The following TM9SF3 variants were observed in gnomAD, a reference collection of about 807,000 sequenced individuals.
The protein encoded by TM9SF3 is transmembrane 9 superfamily member 3.
A neutral mutation model predicts 78.6 loss-of-function variants in TM9SF3; 14 were observed. The observed-to-expected ratio is 0.18, with a 90% CI of 0.12 to 0.28. TM9SF3 has a LOEUF of 0.28. Ranked by LOEUF, TM9SF3 falls within the 10% of genes least tolerant of loss-of-function variation. The pLI is 1.00. For synonymous variants in TM9SF3, 231 were observed against 241.7 expected (o/e 0.96, Z 0.41); for missense variants, 496 against 721.9 (o/e 0.69, Z 3.59).
intron 4 of TM9SF3, chr10:96,560,293 G>A: frequency 1.3e-6 from 1 of 754,972 alleles, no homozygotes; most frequent in Non-Finnish European, 2.4e-6. Flanking sequence ...GGATAATGAT[G>A]AAAATGAGCA....
rs1441013993 is a variant in TM9SF3, at chr10:96,560,048, C to G, written c.583-312G>C. 3.8e-5 allele frequency: 22 copies of G among 575,452 alleles called. No homozygotes were observed. The Admixed American group carries it at 5.8e-4, about 15-fold the overall frequency. The allele number at this position is 575,452 out of a possible 1,614,324, so 35.6% of individuals were successfully genotyped here. On this transcript the variant is annotated intron_variant, in intron 4 of 14. Transcript: ENST00000371142. ...GAACTGAATTAGTATAAGCTCATAT[C>G]ACAAGTGTCTAAATCAATTAAAATA...
In TM9SF3 at chr10:96,584,495, G is replaced by C. The variant is rs74560045; in HGVS notation, c.102+2239C>G. ...TGCTATTCTTCCCATAACTGTTTTTGTTTTTGTTTTGCTTTTTACAATACA... is the reference window on the plus strand; with the variant it reads ...TGCTATTCTTCCCATAACTGTTTTTCTTTTTGTTTTGCTTTTTACAATACA... On this transcript the variant is annotated intron_variant, in intron 1 of 14. Transcript: ENST00000371142. Among the ~76,000 whole-genome samples, 1,286 of 152,196 alleles carry C rather than the reference G, an allele frequency of 8.4e-3. 22 individuals carry two copies. The highest frequency in any genetic ancestry group is 0.03 in the African/African-American group (1,232 of 41,530).
At chr10:96,550,010 A>C (rs1848148852) in intron 7 of TM9SF3, among the ~76,000 whole-genome samples, 1 of 152,154 alleles carries the variant, frequency 6.6e-6, no homozygotes, top group African/African-American at 2.4e-5. Flanking sequence ...GGTAGATGTG[A>C]AATGTTTTCT....
intron 1 of TM9SF3, 75 bp from the exon 2 acceptor site, chr10:96,576,904 G>T: frequency 7.9e-7 from 1 of 1,259,764 alleles, no homozygotes; most frequent in Non-Finnish European, 1.0e-6. Context: ...TTTGTTGTGT[G>T]TTCTAAACAA....
At chr10:96,526,399 G>T (rs1847838729) in intron 14 of TM9SF3, among the ~76,000 whole-genome samples, 1 of 151,962 alleles carries the variant, frequency 6.6e-6, no homozygotes, top group Non-Finnish European at 1.5e-5. Flanking sequence ...TGACCTCCAT[G>T]GCCATAAAAA....
chr10:96,524,647 G>A (rs1009780141), intron 14 of TM9SF3, among the ~76,000 whole-genome samples: 1 of 151,740 alleles, frequency 6.6e-6, no homozygotes, highest in African/African-American at 2.4e-5. Context: ...AGGAATAATA[G>A]AGGTGCACTT....
At chr10:96,536,074 T>C (rs915093758) in intron 9 of TM9SF3, among the ~76,000 whole-genome samples, 28 of 151,948 alleles carry the variant, frequency 1.8e-4, no homozygotes, top group Admixed American at 5.2e-4. Flanking sequence ...TCTCAAAAGA[T>C]ACAGAAAATG....
rs952478439 is a variant in TM9SF3, at chr10:96,560,665, A to C, written c.583-929T>G. The C allele has an allele frequency of 4.5e-5, 28 of 615,490 alleles. No individual in the cohort carries two copies. The African/African-American group carries it at 4.7e-4, about 10-fold the overall frequency. 38.1% of individuals were successfully genotyped at this position (615,490 alleles called of 1,614,324 possible). A position where few individuals can be genotyped will look rare whatever the true frequency, so the allele number is the denominator to read the frequency against. On this transcript the variant is annotated intron_variant, in intron 4 of 14. Transcript: ENST00000371142. ...AAAAAAGTAAAACTTGCTGCTGATG[A>C]AGATGATGATGATGATGATGACGAT...
chr10:96,545,825 G>A (rs916185769), intron 8 of TM9SF3, among the ~76,000 whole-genome samples: 10 of 152,202 alleles, frequency 6.6e-5, no homozygotes, highest in Non-Finnish European at 1.2e-4. Flanking sequence ...GGAGGTGGAG[G>A]TTGCAGTAAG....
intron 14 of TM9SF3, among the ~76,000 whole-genome samples, 196 bp downstream of exon 14, chr10:96,527,017 T>A (rs1847845619): frequency 6.6e-6 from 1 of 152,094 alleles, no homozygotes; most frequent in Non-Finnish European, 1.5e-5. Context: ...TTACTAGAAT[T>A]TCTATAAAAA....
intron 5 of TM9SF3, among the ~76,000 whole-genome samples, chr10:96,553,977 C>T (rs1188620468): frequency 6.6e-6 from 1 of 152,156 alleles, no homozygotes; most frequent in Non-Finnish European, 1.5e-5. Flanking sequence ...TTTCTGCTGC[C>T]TTCCCTTGAA....
rs1347605787 is a variant in TM9SF3 at position 96,527,234 on chromosome 10, T to C, written c.1681A>G (p.Thr561Ala). The change falls in exon 14 of 15, where the codon ACA (threonine) becomes GCA (alanine). Residue 561 changes from threonine to alanine, a missense_variant. Physicochemically the swap from Thr to Ala is moderately conservative, Grantham distance 58. This residue lies in a region of TM9SF3 where 280 missense variants were observed against 422.6 expected (regional missense o/e 0.66). Transcript: ENST00000371142. The stretch of plus-strand genomic sequence containing the variant: ...TTACCACACATTATCCCCAAGGCTG[T>C]GCTAAATACCGCCATATATCCAAAG... Reference protein sequence around the residue: ...FYFGYMAVFSTALGIMCGAIG... With the variant: ...FYFGYMAVFSAALGIMCGAIG... 1 of 1,611,338 alleles carries C rather than the reference T, an allele frequency of 6.2e-7. No individual in the cohort carries two copies.
Position 96,527,244 on chromosome 10 carries a change from C to T in TM9SF3, c.1671G>A (p.Ala557=), listed in dbSNP as rs752191183. 21 of 1,610,938 alleles carry T rather than the reference C, an allele frequency of 1.3e-5. No homozygotes were observed. Among genetic ancestry groups the T allele is most frequent in the Admixed American group, 8.4e-5 (5 of 59,870 alleles). ...FQTSFYFGYM[A]VFSTALGIMC... is the part of the protein sequence containing the mutation. The stretch of plus-strand genomic sequence containing the variant: ...TTATCCCCAAGGCTGTGCTAAATAC[C>T]GCCATATATCCAAAGTAAAATGATG... Residue 557 remains alanine (A), a synonymous_variant, in exon 14 of 15, where the codon GCG becomes GCA. Transcript: ENST00000371142.
intron 8 of TM9SF3, 111 bp from the exon 9 acceptor site, chr10:96,544,317 A>C (rs889795008): frequency 3.3e-5 from 33 of 1,003,398 alleles, no homozygotes; most frequent in Middle Eastern, 6.5e-4. Flanking sequence ...AATTTCTTCA[A>C]AATAATAGCT....
intron 8 of TM9SF3, 64 bp from the exon 9 acceptor site, chr10:96,544,270 A>G: frequency 7.4e-7 from 1 of 1,354,892 alleles, no homozygotes; most frequent in Non-Finnish European, 9.9e-7. Context: ...TTTGTTTGAA[A>G]TTTTAATATA....
In TM9SF3 at chr10:96,519,274, A is replaced by C. The variant is rs1208459733; in HGVS notation, c.*2989T>G. 1 of 152,010 alleles carries C rather than the reference A, an allele frequency of 6.6e-6. No individual in the cohort carries two copies. The highest frequency in any genetic ancestry group is 1.5e-5 in the Non-Finnish European group (1 of 67,880). The allele number at this position is 152,010 out of a possible 1,614,324, so 9.4% of individuals were successfully genotyped here. On this transcript the variant is annotated 3_prime_UTR_variant, in exon 15 of 15. Coordinates refer to ENST00000371142, the MANE Select transcript of TM9SF3 (RefSeq NM_020123.4). The stretch of plus-strand genomic sequence containing the variant: ...GGAAGAACTGGATTTTGCAGCAACC[A>C]ACTTTATAAAGAGGTCCATCCACTC...
intron 4 of TM9SF3, among the ~76,000 whole-genome samples, chr10:96,561,264 C>T (rs969272381): frequency 6.6e-6 from 1 of 151,820 alleles, no homozygotes; most frequent in Non-Finnish European, 1.5e-5. Flanking sequence ...AAAAAAAAAT[C>T]TGTAAATCTT....
intron 7 of TM9SF3, among the ~76,000 whole-genome samples, chr10:96,550,423 A>T (rs1848153455): frequency 6.6e-6 from 1 of 152,244 alleles, no homozygotes; most frequent in African/African-American, 2.4e-5. Context: ...AACGCCAGGC[A>T]TATAGAGGAA....
chr10:96,537,457 T>C (rs1054819338), intron 9 of TM9SF3, among the ~76,000 whole-genome samples: 10 of 152,134 alleles, frequency 6.6e-5, no homozygotes, highest in African/African-American at 2.2e-4. Context: ...AATGAAAAAA[T>C]TGTGTAACAA....
Sources: allele counts gnomAD v4.1 joint callset (sites outside exome capture counted in the v4.1 genomes callset), GRCh38; gene constraint gnomAD v4.1.1; regional missense constraint gnomAD v4.1.1; transcripts MANE v1.5; gene names NCBI Gene and HGNC (gene_info 2026-07-23, HGNC 2026-07-21).